Variants in ERC2 observed in about 807,000 individuals in gnomAD.
The protein encoded by ERC2 is ERC protein 2.
ERC2 carries 42 observed loss-of-function variants against 114.8 expected under a neutral mutation model. That is an observed-to-expected ratio of 0.37 (90% CI 0.29 to 0.47). ERC2 has a LOEUF of 0.47. Ranked by LOEUF, ERC2 falls within the 20% of genes least tolerant of loss-of-function variation. The probability of loss-of-function intolerance (pLI) is 0.99; values close to 1 mark genes in which losing one functional copy is unlikely to be tolerated. For synonymous variants in ERC2, 454 were observed against 425.5 expected, an observed-to-expected ratio of 1.07 and a Z score of -0.82; for missense variants, 939 against 1,150.7, an observed-to-expected ratio of 0.82 and a Z score of 2.66.
At chr3:55,674,921 G>A (rs1047623212) in intron 17 of ERC2, among the ~76,000 whole-genome samples, 9 of 152,166 alleles carry the variant, frequency 5.9e-5, no homozygotes, top group African/African-American at 2.2e-4. Context: ...GGTTGCAAAC[G>A]CTGACTCTTA....
chr3:56,033,038 AAGAAAG>A (rs1560058391), intron 7 of ERC2, among the ~76,000 whole-genome samples: 26 of 74,510 alleles, frequency 3.5e-4, no homozygotes, highest in African/African-American at 9.4e-4. Context: ...AACAGAAAGA[AAGAAAG>A]AAAGAAAGAA....
chr3:56,360,061 C>CTTTTTTTT (rs5849149), intron 2 of ERC2, among the ~76,000 whole-genome samples: 4 of 99,184 alleles, frequency 4.0e-5, no homozygotes, highest in Admixed American at 1.3e-4. Flanking sequence ...TAACAAAAAT[C>CTTTTTTTT]TTTTTTTTTT....
intron 3 of ERC2, among the ~76,000 whole-genome samples, chr3:56,187,967 G>A (rs933713246): frequency 1.3e-5 from 2 of 152,306 alleles, no homozygotes; most frequent in African/African-American, 4.8e-5. Context: ...CCTGAAGGAT[G>A]AGCAGGAACC....
chr3:55,683,068 A>C (rs1476867988), intron 17 of ERC2, among the ~76,000 whole-genome samples: 1 of 152,232 alleles, frequency 6.6e-6, no homozygotes, highest in African/African-American at 2.4e-5. Flanking sequence ...AGCTTTTAAA[A>C]TACAAAACCC....
At chr3:56,301,079 T>A (rs763826511) in intron 2 of ERC2, among the ~76,000 whole-genome samples, 1 of 152,162 alleles carries the variant, frequency 6.6e-6, no homozygotes, top group Admixed American at 6.5e-5. Context: ...AGAGACCCCA[T>A]ATCTATTTAA....
At chr3:55,989,004 T>C (rs1455868514) in intron 11 of ERC2, among the ~76,000 whole-genome samples, 1 of 152,184 alleles carries the variant, frequency 6.6e-6, no homozygotes, top group Admixed American at 6.5e-5. Flanking sequence ...CCCAAGAAAC[T>C]TCCCCTCTGA....
intron 7 of ERC2, among the ~76,000 whole-genome samples, chr3:56,079,147 TA>T (rs1276563032): frequency 6.6e-6 from 1 of 152,050 alleles, no homozygotes; most frequent in Admixed American, 6.6e-5. Flanking sequence ...GTAATTACAT[TA>T]AAAAAAGTAA....
At chr3:55,640,104 T>G (rs2060115646) in intron 17 of ERC2, among the ~76,000 whole-genome samples, 1 of 152,172 alleles carries the variant, frequency 6.6e-6, no homozygotes, top group South Asian at 2.1e-4. Context: ...TGGCTGCACT[T>G]CACCTCCCCC....
intron 3 of ERC2, among the ~76,000 whole-genome samples, chr3:56,249,529 T>C (rs548247500): frequency 4.5e-4 from 68 of 152,180 alleles, no homozygotes; most frequent in African/African-American, 1.5e-3. Context: ...GGTTTCACTG[T>C]GTTAGCCAGG....
At chr3:55,807,022 T>C (rs897282274) in intron 14 of ERC2, among the ~76,000 whole-genome samples, 2 of 152,152 alleles carry the variant, frequency 1.3e-5, no homozygotes, top group Non-Finnish European at 2.9e-5. Context: ...AAGAGATACA[T>C]GATGGCTAAA....
intron 15 of ERC2, among the ~76,000 whole-genome samples, chr3:55,724,029 G>C (rs2064752097): frequency 6.6e-6 from 1 of 152,060 alleles, no homozygotes; most frequent in African/African-American, 2.4e-5. Context: ...GGAAAAACCT[G>C]GTTTTATATG....
At chr3:56,435,194 T>C in intron 1 of ERC2, 47 bp from the exon 2 acceptor site, 1 of 571,386 alleles carries the variant, frequency 1.8e-6, no homozygotes, top group Non-Finnish European at 3.1e-6. Context: ...TCTTTAGAAC[T>C]CTAACTGCAT....
chr3:55,606,041 A>G (rs2058628071), intron 17 of ERC2, among the ~76,000 whole-genome samples: 1 of 152,334 alleles, frequency 6.6e-6, no homozygotes, highest in Non-Finnish European at 1.5e-5. Flanking sequence ...GCATAAGGCC[A>G]ATGCCCTATG....
At chr3:55,795,253 G>T (rs1575619300) in intron 14 of ERC2, among the ~76,000 whole-genome samples, 1 of 152,272 alleles carries the variant, frequency 6.6e-6, no homozygotes, top group South Asian at 2.1e-4. Context: ...CAGGGGCTCT[G>T]CATCCTGGAT....
At chr3:55,664,763 C>T (rs1015898949) in intron 17 of ERC2, among the ~76,000 whole-genome samples, 7 of 152,194 alleles carry the variant, frequency 4.6e-5, no homozygotes, top group Non-Finnish European at 1.0e-4. Flanking sequence ...CTTTGTGGTA[C>T]ACCCACATGA....
At chr3:56,044,955 T>TGTACCCTACAGCAAATGTTCC (rs2075384110) in intron 7 of ERC2, among the ~76,000 whole-genome samples, 2 of 152,318 alleles carry the variant, frequency 1.3e-5, no homozygotes, top group African/African-American at 4.8e-5. Flanking sequence ...CTAAATGTTC[T>TGTACCCTACAGCAAATGTTCC]GTCCCCTACA....
chr3:55,697,691 A>ATT (rs2063004545), intron 16 of ERC2, among the ~76,000 whole-genome samples: 1 of 152,120 alleles, frequency 6.6e-6, no homozygotes, highest in Non-Finnish European at 1.5e-5. Context: ...AGGTCCCTGG[A>ATT]TGACCTACTC....
At chr3:55,964,249 G>C (rs1252796580) in intron 12 of ERC2, among the ~76,000 whole-genome samples, 1 of 152,222 alleles carries the variant, frequency 6.6e-6, no homozygotes, top group Non-Finnish European at 1.5e-5. Flanking sequence ...CAGACGCTTA[G>C]AGAGGTTATA....
intron 16 of ERC2, among the ~76,000 whole-genome samples, chr3:55,686,895 A>G (rs1426636404): frequency 1.3e-5 from 2 of 152,188 alleles, no homozygotes; most frequent in Non-Finnish European, 2.9e-5. Flanking sequence ...AGTCATCTGC[A>G]TGCTTTTGTT....
Sources: allele counts gnomAD v4.1 joint callset (sites outside exome capture counted in the v4.1 genomes callset), GRCh38; gene constraint gnomAD v4.1.1; transcripts MANE v1.5; gene names NCBI Gene and HGNC (gene_info 2026-07-23, HGNC 2026-07-21).